Variants in LMAN1 observed in about 807,000 individuals in gnomAD.
The protein encoded by LMAN1 is protein ERGIC-53.
In LMAN1, 32 loss-of-function variants were observed where a neutral mutation model predicts 67.8. The ratio of observed to expected loss-of-function variants is 0.47; its 90% confidence interval spans 0.36 to 0.63. The LOEUF is 0.63. Among genes scored for constraint, LMAN1 ranks in the 30% least tolerant of loss-of-function variants. The pLI is 0.00. For missense variants in LMAN1, 632 were observed against 628.2 expected (o/e 1.01, Z -0.06); for synonymous variants, 235 against 219.3 (o/e 1.07, Z -0.63).
chr18:59,355,501 T>C lies in LMAN1; in HGVS notation c.369+3A>G. The C allele has an allele frequency of 6.2e-7, 1 of 1,614,094 alleles. No homozygotes were observed. The highest frequency in any genetic ancestry group is 8.5e-7 in the Non-Finnish European group (1 of 1,179,952). Reference sequence around the variant, plus strand: ...ATTTTCTAAGTTAAAGAAATGATCATACTAGGCCATCAGCTCCAATTCGAC... The same window carrying C: ...ATTTTCTAAGTTAAAGAAATGATCACACTAGGCCATCAGCTCCAATTCGAC... On this transcript the variant is annotated splice_donor_region_variant and intron_variant, in intron 2 of 12. Coordinates refer to ENST00000251047, the MANE Select transcript of LMAN1 (RefSeq NM_005570.4).
rs1908663988 is a variant in LMAN1, at chr18:59,356,547, C to G, written c.215-889G>C. On this transcript the variant is annotated intron_variant, in intron 1 of 12. Coordinates refer to ENST00000251047, the MANE Select transcript of LMAN1 (RefSeq NM_005570.4). ...ATATTAACTAATTCTGAAACCCATGCTGGGAAATACAACTGTAACTGTAAT... is the reference window on the plus strand; with the variant it reads ...ATATTAACTAATTCTGAAACCCATGGTGGGAAATACAACTGTAACTGTAAT... Among the ~76,000 whole-genome samples, 4 of 152,162 alleles carry G rather than the reference C, an allele frequency of 2.6e-5. No homozygotes were observed. In the South Asian group the frequency reaches 8.3e-4, roughly 32 times the overall value.
At chr18:59,332,347 AAAT>A (rs1021813402) in intron 11 of LMAN1, among the ~76,000 whole-genome samples, 3 of 152,172 alleles carry the variant, frequency 2.0e-5, no homozygotes, top group African/African-American at 7.2e-5. Context: ...TCTTTGAAAA[AAAT>A]GTATATTCAA....
chr18:59,346,686 A>T (rs1039508292), intron 7 of LMAN1, among the ~76,000 whole-genome samples: 2 of 149,252 alleles, frequency 1.3e-5, no homozygotes, highest in Non-Finnish European at 3.0e-5. Flanking sequence ...ACACCCAGCT[A>T]TTTTTTGTAT....
At chr18:59,349,651 TCAA>T (rs1908498037) in intron 5 of LMAN1, among the ~76,000 whole-genome samples, 1 of 152,198 alleles carries the variant, frequency 6.6e-6, no homozygotes, top group East Asian at 1.9e-4. Context: ...ACAGATTGTC[TCAA>T]CAAGTAGTGA....
At chr18:59,331,771 G>C in intron 11 of LMAN1, 1 of 494,572 alleles carries the variant, frequency 2.0e-6, no homozygotes, top group Non-Finnish European at 3.7e-6. Flanking sequence ...ACTGCCTCCT[G>C]GCTCCTGTCT....
At chr18:59,353,429 C>T in intron 4 of LMAN1, 128 bp from the exon 5 acceptor site, 2 of 704,426 alleles carry the variant, frequency 2.8e-6, no homozygotes, top group Admixed American at 4.1e-5. Flanking sequence ...ACTCAAAAGA[C>T]TACACGAGAC....
intron 8 of LMAN1, among the ~76,000 whole-genome samples, chr18:59,343,899 C>T (rs1324295949): frequency 6.6e-6 from 1 of 152,064 alleles, no homozygotes. Flanking sequence ...ATGCATCCAA[C>T]GAAGGGCTAA....
chr18:59,354,571 G>C lies in LMAN1; in HGVS notation c.487C>G (p.Pro163Ala), dbSNP rs772509644. Reference protein sequence around the residue: ...SFDNDGKKNNPAIVIIGNNGQ... With the variant: ...SFDNDGKKNNAAIVIIGNNGQ... ...TTGTTGCCTATAATTACTATAGCAG[G>C]ATTATTTTTCTAAAAAAAAGGAAAA... The change falls in exon 4 of 13, where the codon CCT becomes GCT. Residue 163 changes from proline to alanine, a missense_variant. Pro to Ala is a conservative substitution (Grantham distance 27). Transcript: ENST00000251047. 3.4e-6 allele frequency: 5 copies of C among 1,454,044 alleles called. No homozygotes were observed. The Admixed American group carries it at 8.5e-5, about 25-fold the overall frequency. The allele number at this position is 1,454,044 out of a possible 1,614,324, so 90.1% of individuals were successfully genotyped here.
In LMAN1 at chr18:59,338,945, T is replaced by C. The variant is rs764930025; in HGVS notation, c.964A>G (p.Ile322Val). Residue 322 changes from isoleucine to valine, a missense_variant, in exon 9 of 13, where the codon ATA becomes GTA. Ile to Val is a conservative substitution (Grantham distance 29). Transcript: ENST00000251047. ...TCTCGATCTCCTACACTCTCAAATA[T>C]TTCCTCCGCTGAAAAGGAAATAAAT... is the stretch of plus-strand genomic sequence containing the variant. ...PDLQGQPAEEIFESVGDRELR... is the reference protein window; with the variant it reads ...PDLQGQPAEEVFESVGDRELR... 2.0e-5 allele frequency: 33 copies of C among 1,611,744 alleles called. No homozygotes were observed. The highest frequency in any genetic ancestry group is 2.5e-5 in the Non-Finnish European group (29 of 1,179,382).
In LMAN1 at chr18:59,353,305, T is replaced by C. The variant is rs747982742; in HGVS notation, c.540-4A>G. 2.6e-5 allele frequency: 42 copies of C among 1,607,474 alleles called. 2 individuals carry two copies. In the South Asian group the frequency reaches 4.3e-4, roughly 16 times the overall value. On this transcript the variant is annotated splice_region_variant and splice_polypyrimidine_tract_variant and intron_variant, in intron 4 of 12. Transcript: ENST00000251047. ...CAAAGCTTGACTAGCCCCGTCACTA[T>C]AGTGTAAGGGGGAGGAAAACAGACA...
At position 59,333,081 on chromosome 18, in the gene LMAN1, A is replaced by G. The variant is rs1229390142; in HGVS notation, c.1374+10T>C. Reference sequence around the variant, plus strand: ...ATTATAATTATAAAAGGAAAAGGAAACAAAGTTACCATATTTCGCTGCACT... The same window carrying G: ...ATTATAATTATAAAAGGAAAAGGAAGCAAAGTTACCATATTTCGCTGCACT... On this transcript the variant is annotated intron_variant, in intron 11 of 12. Transcript: ENST00000251047. 7 of 1,609,274 alleles carry G rather than the reference A, an allele frequency of 4.3e-6. No individual in the cohort carries two copies. The South Asian group carries it at 7.7e-5, about 18-fold the overall frequency.
At chr18:59,345,668 C>T (rs901980823) in intron 8 of LMAN1, among the ~76,000 whole-genome samples, 9 of 152,192 alleles carry the variant, frequency 5.9e-5, no homozygotes, top group African/African-American at 1.7e-4. Context: ...TTCACTCTAG[C>T]GGTCCCATTC....
At position 59,355,612 on chromosome 18, in the gene LMAN1, T is replaced by G. The variant is rs1286736599; in HGVS notation, c.261A>C (p.Lys87Asn). The change falls in exon 2 of 13, where the codon AAA becomes AAC. Residue 87 changes from lysine (K) to asparagine (N), a missense_variant. By Grantham distance (94) the Lys-to-Asn change is moderately conservative (BLOSUM62 0). Transcript: ENST00000251047. Reference sequence around the variant, plus strand: ...TTGTCCACACTGAGCCTCTTTGGCTTTTTAAAGATGGTGCTACTCGAATTT... The same window carrying G: ...TTGTCCACACTGAGCCTCTTTGGCTGTTTAAAGATGGTGCTACTCGAATTT... ...SDQIRVAPSL[K>N]SQRGSVWTKT... is the part of the protein sequence containing the mutation. 1.9e-6 allele frequency: 3 copies of G among 1,614,098 alleles called. No homozygotes were observed. Among genetic ancestry groups the G allele is most frequent in the Non-Finnish European group, 1.7e-6 (2 of 1,179,960 alleles).
intron 11 of LMAN1, 21 bp from the exon 12 acceptor site, chr18:59,331,560 T>C (rs1197468501): frequency 1.2e-6 from 2 of 1,611,900 alleles, no homozygotes; most frequent in Admixed American, 3.3e-5. Flanking sequence ...AATGACTTTC[T>C]ATTACAGTTA....
In LMAN1 at chr18:59,349,177, C is replaced by T; in HGVS notation, c.699G>A (p.Val233=). 4 of 1,613,880 alleles carry T rather than the reference C, an allele frequency of 2.5e-6. No homozygotes were observed. The South Asian group carries it at 4.4e-5, about 18-fold the overall frequency. Residue 233 remains valine, a synonymous_variant, in exon 6 of 13, where the codon GTG becomes GTA. Coordinates refer to ENST00000251047, the MANE Select transcript of LMAN1 (RefSeq NM_005570.4). The part of the protein sequence containing the change: ...DKNDYEFCAK[V]ENMIIPAQGH... Reference sequence around the variant, plus strand: ...CTTGTGCAGGGATAATCATATTTTCCACTTTGGCACAAAATTCATAATCAT... The same window carrying T: ...CTTGTGCAGGGATAATCATATTTTCTACTTTGGCACAAAATTCATAATCAT...
chr18:59,331,446 C>T lies in LMAN1; in HGVS notation c.1468G>A (p.Val490Ile), dbSNP rs750578344. Reference sequence around the variant, plus strand: ...TACATGATATAACCAATGAATAATACAGTTTGCACCACAACAAATATAATG... The same window carrying T: ...TACATGATATAACCAATGAATAATATAGTTTGCACCACAACAAATATAATG... ...HFIIFVVVQT[V>I]LFIGYIMYRS... The change falls in exon 12 of 13, where the codon GTA becomes ATA. Residue 490 changes from valine to isoleucine, a missense_variant. Coordinates refer to ENST00000251047, the MANE Select transcript of LMAN1 (RefSeq NM_005570.4). The T allele has an allele frequency of 9.3e-6, 15 of 1,608,554 alleles. No homozygotes were observed. The South Asian group carries it at 1.1e-4, about 12-fold the overall frequency.
At chr18:59,347,468 G>C (rs751752915) in intron 7 of LMAN1, 45 bp downstream of exon 7, 2 of 1,353,884 alleles carry the variant, frequency 1.5e-6, no homozygotes, top group Non-Finnish European at 2.1e-6. Flanking sequence ...TCAGCTAAAA[G>C]GCAAACTAAA....
rs949081386 is a variant in LMAN1 at position 59,358,913 on chromosome 18, T to C, written c.214+118A>G. The C allele has an allele frequency of 2.9e-6, 3 of 1,026,318 alleles. No individual in the cohort carries two copies. In the African/African-American group the frequency reaches 4.7e-5, roughly 16 times the overall value. The allele number at this position is 1,026,318 out of a possible 1,614,324, so 63.6% of individuals were successfully genotyped here. A position where few individuals can be genotyped will look rare whatever the true frequency, so the allele number is the denominator to read the frequency against. ...CCAGGAGGGTCCCCTCCACAGCGCA[T>C]ATGGTGTGCAGCTGCTGGAACGGGA... On this transcript the variant is annotated intron_variant, in intron 1 of 12. Transcript: ENST00000251047.
intron 1 of LMAN1, 31 bp downstream of exon 1, chr18:59,359,000 A>ACCCGGCC (rs767923330): frequency 1.9e-6 from 3 of 1,603,976 alleles, no homozygotes; most frequent in African/African-American, 1.3e-5. Flanking sequence ...GGGGAGAGGA[A>ACCCGGCC]CCCGGCCCCC....
Sources: gnomAD v4.1 joint callset for allele counts (sites outside exome capture counted in the v4.1 genomes callset) on GRCh38, gnomAD v4.1.1 for gene constraint, MANE v1.5 for transcripts, NCBI Gene and HGNC (gene_info 2026-07-23, HGNC 2026-07-21) for gene names.